The following CWC27 variants were observed in gnomAD, a reference collection of about 807,000 sequenced individuals.
CWC27 encodes the protein CWC27 spliceosome associated cyclophilin, also known as spliceosome-associated protein CWC27 homolog.
A neutral mutation model predicts 63.6 loss-of-function variants in CWC27; 47 were observed. The ratio of observed to expected loss-of-function variants is 0.74; its 90% CI spans 0.58 to 0.94. The LOEUF is 0.94. Among genes scored for constraint, CWC27 ranks in the 40% least tolerant of loss-of-function variants. The probability of loss-of-function intolerance (pLI) is 0.00; values close to 1 mark genes in which losing one functional copy is unlikely to be tolerated. For synonymous variants in CWC27, 175 were observed against 179.8 expected (o/e 0.97, Z 0.22); for missense variants, 495 against 554.3 (o/e 0.89, Z 1.07).
intron 11 of CWC27, among the ~76,000 whole-genome samples, chr5:64,946,305 G>C (rs1218898710): frequency 6.6e-6 from 1 of 152,158 alleles, no homozygotes; most frequent in East Asian, 1.9e-4. Context: ...TACATATACA[G>C]AGACATATAC....
chr5:64,967,184 G>A (rs949193014), intron 11 of CWC27, among the ~76,000 whole-genome samples: 2 of 151,888 alleles, frequency 1.3e-5, no homozygotes, highest in African/African-American at 2.4e-5. Context: ...CTAATCCTGA[G>A]ATAGTCACAA....
chr5:64,855,057 GGTGCTGAGAGCCAA>G (rs1024572870), intron 10 of CWC27, among the ~76,000 whole-genome samples: 1 of 152,104 alleles, frequency 6.6e-6, no homozygotes, highest in Non-Finnish European at 1.5e-5. Flanking sequence ...TGAGATCACT[GGTGCTGAGAGCCAA>G]GTTTACAGTG....
At chr5:64,914,480 G>T (rs60472664) in intron 11 of CWC27, among the ~76,000 whole-genome samples, 14,297 of 152,018 alleles carry the variant, frequency 0.094, 2,046 homozygotes, top group African/African-American at 0.31. Context: ...GAGACTTCAC[G>T]AGGCGCTTCA....
At position 64,971,734 on chromosome 5, in the gene CWC27, C is replaced by G. The variant is rs58322956; in HGVS notation, c.1074C>G (p.Ala358=). The change falls in exon 12 of 14, where the codon GCC becomes GCG. Residue 358 remains alanine, a synonymous_variant. Transcript: ENST00000381070. ...EEEAPPDGAV[A]EYRREKQKYE... ...AAGCCCCTCCAGATGGTGCTGTTGC[C>G]GAATACAGAAGAGAAAAGCAAAAGT... is the stretch of plus-strand genomic sequence containing the variant. The G allele has an allele frequency of 1.8e-3, 2,865 of 1,609,004 alleles. 50 individuals carry two copies. In the African/African-American group the frequency reaches 0.034, roughly 19 times the overall value.
At chr5:64,942,031 A>G (rs1748492878) in intron 11 of CWC27, among the ~76,000 whole-genome samples, 1 of 152,296 alleles carries the variant, frequency 6.6e-6, no homozygotes, top group South Asian at 2.1e-4. Context: ...AGTTATTTAC[A>G]TGAGTAGATA....
intron 10 of CWC27, among the ~76,000 whole-genome samples, chr5:64,814,597 A>G (rs1744975172): frequency 6.6e-6 from 1 of 152,146 alleles, no homozygotes; most frequent in African/African-American, 2.4e-5. Context: ...AGTGACTTGC[A>G]TTATGTCCCA....
chr5:64,829,758 A>G (rs1745464139), intron 10 of CWC27, among the ~76,000 whole-genome samples: 2 of 149,880 alleles, frequency 1.3e-5, no homozygotes, highest in Middle Eastern at 3.2e-3. Flanking sequence ...CCCGTCACCT[A>G]CATTAGGTAT....
chr5:64,909,690 T>C (rs147080411), intron 11 of CWC27, among the ~76,000 whole-genome samples: 54 of 152,330 alleles, frequency 3.5e-4, no homozygotes, highest in African/African-American at 1.2e-3. Context: ...TAATTTGATC[T>C]TCAGTCACTG....
intron 11 of CWC27, 51 bp downstream of exon 11, chr5:64,885,597 G>A: frequency 7.3e-7 from 1 of 1,365,164 alleles, no homozygotes; most frequent in Non-Finnish European, 1.0e-6. Context: ...CTCCTTCTCT[G>A]TTTTCTTAGC....
At chr5:65,014,529 G>C (rs1750017822) in intron 13 of CWC27, among the ~76,000 whole-genome samples, 1 of 151,926 alleles carries the variant, frequency 6.6e-6, no homozygotes, top group Non-Finnish European at 1.5e-5. Context: ...AATGATCAGT[G>C]TGTAATTAAT....
At chr5:64,842,761 C>T (rs770970416) in intron 10 of CWC27, among the ~76,000 whole-genome samples, 2 of 151,994 alleles carry the variant, frequency 1.3e-5, no homozygotes, top group Admixed American at 6.6e-5. Context: ...CCACCATGCC[C>T]GGCTTATTTT....
chr5:65,003,489 A>G (rs1438907342), intron 13 of CWC27, among the ~76,000 whole-genome samples: 1 of 152,182 alleles, frequency 6.6e-6, no homozygotes, highest in Non-Finnish European at 1.5e-5. Flanking sequence ...CATCTTCTCT[A>G]CAATGAGTTT....
intron 10 of CWC27, among the ~76,000 whole-genome samples, chr5:64,806,804 G>A (rs1744691156): frequency 6.6e-6 from 1 of 151,700 alleles, no homozygotes; most frequent in Admixed American, 6.6e-5. Context: ...ATCCTGTATG[G>A]GCAACAGAGC....
intron 13 of CWC27, among the ~76,000 whole-genome samples, chr5:65,003,408 C>T (rs1290066601): frequency 6.6e-5 from 10 of 151,732 alleles, no homozygotes; most frequent in Admixed American, 6.6e-4. Context: ...TTCTTCTTCT[C>T]CTATTTTTTG....
At chr5:64,935,901 G>T (rs1748340492) in intron 11 of CWC27, among the ~76,000 whole-genome samples, 1 of 152,120 alleles carries the variant, frequency 6.6e-6, no homozygotes, top group African/African-American at 2.4e-5. Flanking sequence ...CTCTCTGTTT[G>T]TCTATTATTG....
chr5:64,956,420 G>T (rs1047430141), intron 11 of CWC27, among the ~76,000 whole-genome samples: 17 of 151,956 alleles, frequency 1.1e-4, no homozygotes, highest in African/African-American at 4.1e-4. Flanking sequence ...TGCCTCCTGT[G>T]CATCCTGCCC....
chr5:65,006,961 A>AGAAG (rs1749853428), intron 13 of CWC27, among the ~76,000 whole-genome samples: 1 of 8,826 alleles, frequency 1.1e-4, no homozygotes, highest in East Asian at 2.9e-3. Context: ...TTAAAAAGAC[A>AGAAG]GAAAGAAAGA....
intron 11 of CWC27, among the ~76,000 whole-genome samples, chr5:64,948,271 A>G (rs1456164364): frequency 6.6e-6 from 1 of 152,022 alleles, no homozygotes; most frequent in Non-Finnish European, 1.5e-5. Context: ...AAAAAATCAG[A>G]GTATATCACA....
intron 11 of CWC27, among the ~76,000 whole-genome samples, chr5:64,890,530 C>CT (rs1467872373): frequency 2.0e-5 from 3 of 151,978 alleles, no homozygotes; most frequent in Non-Finnish European, 4.4e-5. Context: ...AGTTAACTTT[C>CT]TTTAGGTACT....
Sources: gnomAD v4.1 joint callset for allele counts (sites outside exome capture counted in the v4.1 genomes callset) on GRCh38, gnomAD v4.1.1 for gene constraint, MANE v1.5 for transcripts, NCBI Gene and HGNC (gene_info 2026-07-23, HGNC 2026-07-21) for gene names.